The following LOXHD1 variants were observed in gnomAD, a reference collection of about 807,000 sequenced individuals.
LOXHD1 encodes the protein lipoxygenase homology domain-containing protein 1.
Under a neutral mutation model 248.2 loss-of-function variants are expected in LOXHD1, and 205 were observed. The ratio of observed to expected loss-of-function variants is 0.83; its 90% CI spans 0.74 to 0.93. The LOEUF is 0.93. LOXHD1 is among the 40% of genes least tolerant of loss of function. The pLI is 0.00. For synonymous variants in LOXHD1, 1,113 were observed against 1,162.8 expected (o/e 0.96, Z 0.87); for missense variants, 2,930 against 2,971.6 (o/e 0.99, Z 0.33).
At chr18:46,525,826 A>C (rs747291929) in intron 29 of LOXHD1, among the ~76,000 whole-genome samples, 16 of 152,138 alleles carry the variant, frequency 1.1e-4, no homozygotes, top group Non-Finnish European at 2.2e-4. Flanking sequence ...GATGAATAGA[A>C]TAGGATGCCC....
chr18:46,478,064 T>A, intron 40 of LOXHD1, 112 bp from the exon 41 acceptor site: 1 of 1,343,600 alleles, frequency 7.4e-7, no homozygotes, highest in Non-Finnish European at 1.0e-6. Context: ...CCCAAGGTGA[T>A]GGGATATTGG....
intron 37 of LOXHD1, among the ~76,000 whole-genome samples, chr18:46,502,970 A>G (rs1356541524): frequency 1.3e-5 from 2 of 152,254 alleles, no homozygotes; most frequent in African/African-American, 4.8e-5. Flanking sequence ...TATTTCTGAG[A>G]TAGAGGCTAT....
intron 27 of LOXHD1, chr18:46,533,678 C>A: frequency 9.1e-6 from 3 of 331,374 alleles, no homozygotes; most frequent in South Asian, 2.5e-5. Context: ...AATCTCAGCA[C>A]TTTGAGAGGC....
At chr18:46,646,668 A>C (rs951349443) in intron 2 of LOXHD1, among the ~76,000 whole-genome samples, 4 of 151,760 alleles carry the variant, frequency 2.6e-5, no homozygotes, top group African/African-American at 4.8e-5. Flanking sequence ...CTCTGCCCCC[A>C]TCAGCCCGCA....
intron 31 of LOXHD1, among the ~76,000 whole-genome samples, chr18:46,523,466 G>A (rs1313695994): frequency 6.6e-6 from 1 of 152,104 alleles, no homozygotes; most frequent in African/African-American, 2.4e-5. Flanking sequence ...TTAGTCCCAG[G>A]TGGCCTACCT....
chr18:46,544,002 T>C (rs4890331), intron 23 of LOXHD1, among the ~76,000 whole-genome samples: 111,503 of 151,840 alleles, frequency 0.73, 41,723 homozygotes, highest in Non-Finnish European at 0.83. Flanking sequence ...AGACTGCCTG[T>C]AGTGTCAGTC....
At chr18:46,552,935 A>G (rs1212880545) in intron 21 of LOXHD1, among the ~76,000 whole-genome samples, 1 of 151,986 alleles carries the variant, frequency 6.6e-6, no homozygotes, top group African/African-American at 2.4e-5. Context: ...ACATTTTTTC[A>G]ACCATTTCTA....
intron 28 of LOXHD1, among the ~76,000 whole-genome samples, chr18:46,532,411 G>A (rs1044480066): frequency 3.9e-5 from 6 of 152,194 alleles, no homozygotes; most frequent in African/African-American, 1.4e-4. Context: ...GTGTCTGTAT[G>A]TGTACACATA....
chr18:46,564,335 G>A (rs2037594378), intron 17 of LOXHD1, among the ~76,000 whole-genome samples: 1 of 152,060 alleles, frequency 6.6e-6, no homozygotes, highest in African/African-American at 2.4e-5. Flanking sequence ...ATCAGCCTGG[G>A]CAACACAACA....
In LOXHD1 at chr18:46,542,802, T is replaced by C. The variant is rs370149278; in HGVS notation, c.3673A>G (p.Ser1225Gly). ...GTCTCCACCGTGAAGATTTCAATGCTGTCCCTCTCAAACTTATCGCTGTTT... is the reference window on the plus strand; with the variant it reads ...GTCTCCACCGTGAAGATTTCAATGCCGTCCCTCTCAAACTTATCGCTGTTT... ...KTNSDKFERD[S>G]IEIFTVETLD... The change falls in exon 24 of 41, where the codon AGC (serine) becomes GGC (glycine). Residue 1225 changes from serine (S) to glycine (G), a missense_variant. Transcript: ENST00000642948. The C allele has an allele frequency of 1.6e-4, 253 of 1,551,724 alleles. No homozygotes were observed. In the African/African-American group the frequency reaches 3.1e-3, roughly 19 times the overall value.
At chr18:46,648,859 C>G (rs2039069316) in intron 2 of LOXHD1, among the ~76,000 whole-genome samples, 1 of 152,090 alleles carries the variant, frequency 6.6e-6, no homozygotes, top group Non-Finnish European at 1.5e-5. Context: ...AGAGACTGGG[C>G]CAAAGTCACA....
In LOXHD1 at chr18:46,560,339, C is replaced by G; in HGVS notation, c.2805G>C (p.Lys935Asn). The change falls in exon 19 of 41, where the codon AAG becomes AAC. Residue 935 changes from lysine to asparagine, a missense_variant. Lys to Asn is a moderately conservative substitution (Grantham distance 94). Transcript: ENST00000642948. ...QLLKKERLKA[K>N]LQRKKKKRKG... is the part of the protein sequence containing the mutation. ...TCCTCTTCTTCTTCTTCCTCTGCAG[C>G]TTGGCCTTCAGCCGCTCCTTCTTGA... The G allele has an allele frequency of 6.4e-7, 1 of 1,552,284 alleles. No homozygotes were observed. Among genetic ancestry groups the G allele is most frequent in the South Asian group, 1.2e-5 (1 of 84,070 alleles).
At chr18:46,571,397 G>A (rs529076130) in intron 15 of LOXHD1, among the ~76,000 whole-genome samples, 5 of 152,164 alleles carry the variant, frequency 3.3e-5, no homozygotes, top group Non-Finnish European at 7.3e-5. Flanking sequence ...CTGAGCCTAG[G>A]AGGCTGAGGC....
chr18:46,648,681 C>T (rs1036839569), intron 2 of LOXHD1, among the ~76,000 whole-genome samples: 2 of 152,212 alleles, frequency 1.3e-5, no homozygotes, highest in African/African-American at 2.4e-5. Context: ...CAAGCACACA[C>T]ACAAGCAATC....
At position 46,547,041 on chromosome 18, in the gene LOXHD1, T is replaced by C; in HGVS notation, c.3368A>G (p.Gln1123Arg). The change falls in exon 22 of 41, where the codon CAA (glutamine) becomes CGA (arginine). Residue 1123 changes from glutamine to arginine, a missense_variant. Transcript: ENST00000642948. ...NNEITYYFPC[Q>R]RWLAVEEDDG... Reference sequence around the variant, plus strand: ...ATCTTCCTCCACTGCCAGCCAACGTTGGCATGGAAAGTAGTACCTGTGGGG... The same window carrying C: ...ATCTTCCTCCACTGCCAGCCAACGTCGGCATGGAAAGTAGTACCTGTGGGG... The C allele has an allele frequency of 1.3e-6, 2 of 1,551,772 alleles. No individual in the cohort carries two copies. Among genetic ancestry groups the C allele is most frequent in the Non-Finnish European group, 8.7e-7 (1 of 1,147,000 alleles).
At chr18:46,617,868 G>A (rs1257978053) in intron 5 of LOXHD1, among the ~76,000 whole-genome samples, 1 of 152,196 alleles carries the variant, frequency 6.6e-6, no homozygotes, top group Non-Finnish European at 1.5e-5. Context: ...ATGAAGCTTA[G>A]GAAGATAGAG....
chr18:46,615,790 C>T (rs1378498373), intron 5 of LOXHD1, among the ~76,000 whole-genome samples: 2 of 152,134 alleles, frequency 1.3e-5, no homozygotes, highest in African/African-American at 2.4e-5. Context: ...AGTATTGTAT[C>T]AAAATCTCCC....
chr18:46,603,560 T>G (rs553442477), intron 7 of LOXHD1, among the ~76,000 whole-genome samples: 2 of 152,286 alleles, frequency 1.3e-5, no homozygotes, highest in African/African-American at 4.8e-5. Flanking sequence ...GTTGGAAGTT[T>G]TCTGTGGAAT....
Position 46,601,406 on chromosome 18 carries a change from T to G in LOXHD1, c.945A>C (p.Lys315Asn). 1 of 1,551,638 alleles carries G rather than the reference T, an allele frequency of 6.4e-7. No individual in the cohort carries two copies. ...GDVRGAGTKS[K>N]IYLVMYGARG... ...TGGCCCCATACATGACCAAGTAGAT[T>G]TTGGATTTGGTACCAGCCCCCCGGA... The change falls in exon 8 of 41, where the codon AAA becomes AAC. Residue 315 changes from lysine (K) to asparagine (N), a missense_variant. Transcript: ENST00000642948.
Sources: allele counts gnomAD v4.1 joint callset (sites outside exome capture counted in the v4.1 genomes callset), GRCh38; gene constraint gnomAD v4.1.1; transcripts MANE v1.5; gene names NCBI Gene and HGNC (gene_info 2026-07-23, HGNC 2026-07-21).